The following ZNF516 variants were observed in gnomAD, a reference collection of about 807,000 sequenced individuals.
ZNF516 encodes zinc finger protein 516.
ZNF516 carries 19 observed loss-of-function variants against 79.7 expected under a neutral mutation model. That is an observed-to-expected ratio of 0.24 (90% CI 0.17 to 0.35). The LOEUF (loss-of-function observed/expected upper bound fraction) is 0.35. ZNF516 is among the 10% of genes least tolerant of loss of function. The pLI, the probability that ZNF516 is intolerant of heterozygous loss-of-function variation, is 1.00. For missense variants in ZNF516, 1,678 were observed against 1,679.5 expected (o/e 1.00, Z 0.02); for synonymous variants, 877 against 739.5 (o/e 1.19, Z -3.02).
rs1022238243 is a variant in ZNF516, at chr18:76,459,839, C to T, written c.-158+3189G>A. The stretch of plus-strand genomic sequence containing the variant: ...CGGTGGCAGGCAGGCTAAGAACAGG[C>T]GATCCGGCAGGCACAAGAAGGAACA... On this transcript the variant is annotated intron_variant, in intron 2 of 6. Transcript: ENST00000443185. This position sits in a 1 kb window ranked among gnomAD's most constrained non-coding sequence, Gnocchi z 5.0. Among the ~76,000 whole-genome samples the T allele has an allele frequency of 1.3e-5, 2 of 152,136 alleles. No individual in the cohort carries two copies. The highest frequency in any genetic ancestry group is 2.9e-5 in the Non-Finnish European group (2 of 68,024).
intron 3 of ZNF516, among the ~76,000 whole-genome samples, chr18:76,415,555 T>C (rs754894134): frequency 1.3e-5 from 2 of 152,042 alleles, no homozygotes; most frequent in Non-Finnish European, 2.9e-5. Context: ...AACCTGCCTC[T>C]CCGTTGGATT....
chr18:76,391,478 C>G (rs575882657), intron 3 of ZNF516, among the ~76,000 whole-genome samples: 1 of 152,148 alleles, frequency 6.6e-6, no homozygotes. Context: ...TTACCCAACT[C>G]TAACCCTACC....
At chr18:76,490,566 T>A (rs1434476867) in intron 1 of ZNF516, 2 of 180,914 alleles carry the variant, frequency 1.1e-5, no homozygotes, top group African/African-American at 4.8e-5. Context: ...TAAAATAAGC[T>A]GGAAAAGCTC....
rs1319972419 is a variant in ZNF516 at position 76,456,673 on chromosome 18, G to A, written c.-158+6355C>T. On this transcript the variant is annotated intron_variant, in intron 2 of 6. Transcript: ENST00000443185. The stretch of plus-strand genomic sequence containing the variant: ...GACGGTCAGAATGAAGGCGCAGGTC[G>A]AGACTCTGCTGCTGCATCTTTATCT... Among the ~76,000 whole-genome samples, 5 of 142,068 alleles carry A rather than the reference G, an allele frequency of 3.5e-5. No individual in the cohort carries two copies. In the South Asian group the frequency reaches 9.7e-4, roughly 27 times the overall value. 93.2% of individuals were successfully genotyped at this position (142,068 alleles called of 152,430 possible).
intron 1 of ZNF516, 102 bp downstream of exon 1, chr18:76,495,042 G>T (rs1362755551): frequency 7.1e-6 from 1 of 140,226 alleles, no homozygotes; most frequent in African/African-American, 2.6e-5. Context: ...TACCCCCAGC[G>T]GCGCACACCA....
At chr18:76,471,502 G>A (rs1162796258) in intron 1 of ZNF516, among the ~76,000 whole-genome samples, 1 of 152,128 alleles carries the variant, frequency 6.6e-6, no homozygotes, top group Non-Finnish European at 1.5e-5. Context: ...CATTTGTAAT[G>A]GACAAATTGG....
intron 3 of ZNF516, among the ~76,000 whole-genome samples, chr18:76,406,010 C>T (rs984637741): frequency 2.6e-5 from 4 of 152,140 alleles, no homozygotes; most frequent in African/African-American, 4.8e-5. Context: ...AACATCCACA[C>T]GGGAGGCGTG....
rs573859366 is a variant in ZNF516, at chr18:76,471,350, C to T, written c.-271-8209G>A. ...ATGGATTGCTGCAGCTCTTGAATCA[C>T]CTCTAACACCTGGCAAGAGAGGGCA... On this transcript the variant is annotated intron_variant, in intron 1 of 6. Coordinates refer to ENST00000443185, the MANE Select transcript of ZNF516 (RefSeq NM_014643.4). Among the ~76,000 whole-genome samples the T allele has an allele frequency of 1.1e-4, 16 of 152,306 alleles. No individual in the cohort carries two copies. The South Asian group carries it at 3.3e-3, about 32-fold the overall frequency.
chr18:76,373,087 C>G lies in ZNF516; in HGVS notation c.3260-1516G>C, dbSNP rs547688609. ...ATCACTTGAGCTCAGGAGGTCAAGGCTGCATTGAGTTGAGATCACACCACT... is the reference window on the plus strand; with the variant it reads ...ATCACTTGAGCTCAGGAGGTCAAGGGTGCATTGAGTTGAGATCACACCACT... On this transcript the variant is annotated intron_variant, in intron 4 of 6. Coordinates refer to ENST00000443185, the MANE Select transcript of ZNF516 (RefSeq NM_014643.4). Among the ~76,000 whole-genome samples the G allele has an allele frequency of 9.2e-5, 14 of 152,160 alleles. No homozygotes were observed. The East Asian group carries it at 2.7e-3, about 29-fold the overall frequency.
Position 76,362,485 on chromosome 18 carries a change from C to T in ZNF516, c.*13G>A, listed in dbSNP as rs746224136. 12 of 1,612,324 alleles carry T rather than the reference C, an allele frequency of 7.4e-6. No homozygotes were observed. The highest frequency in any genetic ancestry group is 2.7e-5 in the African/African-American group (2 of 74,866). ...GCCGTTACGGGGACCTGGGGTGCGTCGGAAACACGCCTTTAGGTTCCCTTT... is the reference window on the plus strand; with the variant it reads ...GCCGTTACGGGGACCTGGGGTGCGTTGGAAACACGCCTTTAGGTTCCCTTT... On this transcript the variant is annotated 3_prime_UTR_variant, in exon 7 of 7. Coordinates refer to ENST00000443185, the MANE Select transcript of ZNF516 (RefSeq NM_014643.4).
chr18:76,462,896 T>A (rs1913212641), intron 2 of ZNF516, 132 bp downstream of exon 2: 1 of 152,216 alleles, frequency 6.6e-6, no homozygotes, highest in African/African-American at 2.4e-5. Context: ...CATTTTACAT[T>A]TTTCTAGCTA....
chr18:76,419,323 C>T (rs148882782), intron 3 of ZNF516, among the ~76,000 whole-genome samples: 11 of 152,310 alleles, frequency 7.2e-5, no homozygotes, highest in Non-Finnish European at 1.5e-4. Context: ...TAAAGGGACA[C>T]GTGTATCAAA....
intron 4 of ZNF516, among the ~76,000 whole-genome samples, chr18:76,377,107 C>T (rs1389793961): frequency 6.6e-6 from 1 of 152,250 alleles, no homozygotes; most frequent in South Asian, 2.1e-4. Flanking sequence ...TGTAACTGAA[C>T]GTGGAAAAAG....
chr18:76,490,816 C>G lies in ZNF516; in HGVS notation c.-272+4328G>C, dbSNP rs1211718005. 3 of 985,382 alleles carry G rather than the reference C, an allele frequency of 3.0e-6. No individual in the cohort carries two copies. The East Asian group carries it at 3.4e-4, about 112-fold the overall frequency. 61.0% of individuals were successfully genotyped at this position (985,382 alleles called of 1,614,324 possible). A position where few individuals can be genotyped will look rare whatever the true frequency, so the allele number is the denominator to read the frequency against. ...CACACGACGAGCGGACCGGAGGGTC[C>G]GAGGGCTCCGTCCTTTGTTACGCAG... On this transcript the variant is annotated intron_variant, in intron 1 of 6. Coordinates refer to ENST00000443185, the MANE Select transcript of ZNF516 (RefSeq NM_014643.4).
chr18:76,471,228 G>A (rs1298969966), intron 1 of ZNF516, among the ~76,000 whole-genome samples: 1 of 151,102 alleles, frequency 6.6e-6, no homozygotes, highest in African/African-American at 2.4e-5. Flanking sequence ...CATACTTACT[G>A]AGCAAACCCT....
intron 1 of ZNF516, among the ~76,000 whole-genome samples, chr18:76,483,762 T>C (rs1459922687): frequency 1.3e-5 from 2 of 152,194 alleles, no homozygotes; most frequent in Non-Finnish European, 2.9e-5. Flanking sequence ...TTACTATTGG[T>C]GATAACCATT....
At chr18:76,472,209 C>A (rs539643574) in intron 1 of ZNF516, among the ~76,000 whole-genome samples, 1 of 152,240 alleles carries the variant, frequency 6.6e-6, no homozygotes, top group African/African-American at 2.4e-5. Flanking sequence ...TCCACAACAT[C>A]TCTTCCCATT....
At position 76,436,657 on chromosome 18, in the gene ZNF516, G is replaced by C. The variant is rs566586374; in HGVS notation, c.1810+4588C>G. Among the ~76,000 whole-genome samples the C allele has an allele frequency of 9.3e-4, 141 of 152,228 alleles. 1 individual carries two copies. The highest frequency in any genetic ancestry group is 3.3e-3 in the African/African-American group (135 of 41,528). On this transcript the variant is annotated intron_variant, in intron 3 of 6. Transcript: ENST00000443185. ...ACGCTTAGAAGAAGTACCATATAAAGGTTGCCCACACCCAGCAGGCTTGGC... is the reference window on the plus strand; with the variant it reads ...ACGCTTAGAAGAAGTACCATATAAACGTTGCCCACACCCAGCAGGCTTGGC...
intron 1 of ZNF516, among the ~76,000 whole-genome samples, chr18:76,485,417 G>A (rs868314000): frequency 9.9e-5 from 15 of 152,210 alleles, no homozygotes; most frequent in African/African-American, 3.4e-4. Flanking sequence ...CACGCTCTTC[G>A]CTCACGTTCT....
Sources: allele counts gnomAD v4.1 joint callset (sites outside exome capture counted in the v4.1 genomes callset), GRCh38; gene constraint gnomAD v4.1.1; non-coding constraint Gnocchi (gnomAD v3.1); transcripts MANE v1.5; gene names NCBI Gene and HGNC (gene_info 2026-07-23, HGNC 2026-07-21).